The following IQSEC3 variants were observed in gnomAD, a reference collection of about 807,000 sequenced individuals.
IQSEC3 encodes the protein IQ motif and Sec7 domain ArfGEF 3, also known as IQ motif and SEC7 domain-containing protein 3.
A neutral mutation model predicts 105.4 loss-of-function variants in IQSEC3; 50 were observed. The observed-to-expected ratio is 0.47, with a 90% CI of 0.38 to 0.60. The LOEUF (loss-of-function observed/expected upper bound fraction) is 0.60, where lower values mean the gene tolerates loss of function less well. IQSEC3 is among the 20% of genes least tolerant of loss of function. The pLI is 0.00. For missense variants in IQSEC3, 1,415 were observed against 1,630.0 expected (o/e 0.87, Z 2.27); for synonymous variants, 708 against 746.0 (o/e 0.95, Z 0.83).
intron 3 of IQSEC3, among the ~76,000 whole-genome samples, chr12:131,820 A>T (rs1865611669): frequency 6.6e-6 from 1 of 152,126 alleles, no homozygotes; most frequent in Non-Finnish European, 1.5e-5. Flanking sequence ...TGGCAGGCCC[A>T]ACTCTGGGAT....
chr12:162,124 T>C, intron 8 of IQSEC3, 59 bp downstream of exon 8: 1 of 1,578,250 alleles, frequency 6.3e-7, no homozygotes, highest in East Asian at 2.2e-5. Flanking sequence ...TCCTGGCATC[T>C]CTTCCCATTC....
At chr12:136,035 G>C (rs368672587) in intron 3 of IQSEC3, among the ~76,000 whole-genome samples, 3 of 152,224 alleles carry the variant, frequency 2.0e-5, no homozygotes, top group African/African-American at 7.2e-5. Context: ...GAATACACTT[G>C]GTGTGGTTTA....
rs1866904304 is a variant in IQSEC3, at chr12:161,840, G to C, written c.2444-86G>C. On this transcript the variant is annotated intron_variant, in intron 7 of 13. Coordinates refer to ENST00000538872, the MANE Select transcript of IQSEC3 (RefSeq NM_001170738.2). The stretch of plus-strand genomic sequence containing the variant: ...GCCACCCCCCGGGAGCTCCAGGCTG[G>C]ATGGGGGTCTCTTCTGTCTGGCTCC... 4 of 1,399,950 alleles carry C rather than the reference G, an allele frequency of 2.9e-6. No homozygotes were observed. In the Admixed American group the frequency reaches 7.0e-5, roughly 24 times the overall value. 86.7% of individuals were successfully genotyped at this position (1,399,950 alleles called of 1,614,324 possible).
Position 67,014 on chromosome 12 carries a change from C to G in IQSEC3, c.132C>G (p.Asp44Glu). The G allele has an allele frequency of 6.5e-7, 1 of 1,531,964 alleles. No individual in the cohort carries two copies. Among genetic ancestry groups the G allele is most frequent in the Non-Finnish European group, 8.7e-7 (1 of 1,145,320 alleles). The allele number at this position is 1,531,964 out of a possible 1,614,324, so 94.9% of individuals were successfully genotyped here. ...TCGACGAGCTGGAGCGGCGGCTGGA[C>G]GAGCTGAGCGCTGAGAACCGCAGCC... ...ERIDELERRL[D>E]ELSAENRSLW... The change falls in exon 1 of 14, where the codon GAC becomes GAG. Residue 44 changes from aspartate (D) to glutamate (E), a missense_variant. Around this residue, in one of 6 missense-constraint regions of IQSEC3, gnomAD observed 34 missense variants for 80.3 expected, o/e 0.42. Coordinates refer to ENST00000538872, the MANE Select transcript of IQSEC3 (RefSeq NM_001170738.2).
chr12:98,321 C>T (rs1864303838), intron 1 of IQSEC3, among the ~76,000 whole-genome samples: 1 of 152,196 alleles, frequency 6.6e-6, no homozygotes, highest in Non-Finnish European at 1.5e-5. Flanking sequence ...CCTTTAGAAT[C>T]ACCTGGGAGT....
At position 123,132 on chromosome 12, in the gene IQSEC3, C is replaced by T. The variant is rs968533118; in HGVS notation, c.624-2501C>T. Among the ~76,000 whole-genome samples the T allele has an allele frequency of 3.9e-5, 6 of 152,272 alleles. No individual in the cohort carries two copies. In the East Asian group the frequency reaches 9.6e-4, roughly 24 times the overall value. On this transcript the variant is annotated intron_variant, in intron 2 of 13. Coordinates refer to ENST00000538872, the MANE Select transcript of IQSEC3 (RefSeq NM_001170738.2). Reference sequence around the variant, plus strand: ...ATCAAAGATGTCTAGAGGCTGGGCACGCTGGCTCATGCCTGCAATCCCAGC... The same window carrying T: ...ATCAAAGATGTCTAGAGGCTGGGCATGCTGGCTCATGCCTGCAATCCCAGC...
At chr12:78,018 G>C (rs1218723899) in intron 1 of IQSEC3, among the ~76,000 whole-genome samples, 1 of 151,444 alleles carries the variant, frequency 6.6e-6, no homozygotes, top group Non-Finnish European at 1.5e-5. Context: ...ACCCCGGCGC[G>C]GGGAAGCCGC....
chr12:104,725 C>G lies in IQSEC3; in HGVS notation c.623+5511C>G, dbSNP rs923075302. Among the ~76,000 whole-genome samples, 3 of 152,330 alleles carry G rather than the reference C, an allele frequency of 2.0e-5. No homozygotes were observed. In the South Asian group the frequency reaches 6.2e-4, roughly 32 times the overall value. The stretch of plus-strand genomic sequence containing the variant: ...CAGCAAGGCAGGGGCTCTGCCGAGG[C>G]CGCCACGCGGGGTACCCTGGAGGAC... On this transcript the variant is annotated intron_variant, in intron 2 of 13. Transcript: ENST00000538872.
intron 2 of IQSEC3, among the ~76,000 whole-genome samples, chr12:124,389 C>CAA (rs55767927): frequency 0.086 from 10,660 of 124,590 alleles, 701 homozygotes; most frequent in South Asian, 0.23. Context: ...AACTCCATCT[C>CAA]AAAAAAAAAA....
At chr12:96,336 T>C (rs1326914139) in intron 1 of IQSEC3, among the ~76,000 whole-genome samples, 4 of 152,210 alleles carry the variant, frequency 2.6e-5, no homozygotes, top group African/African-American at 9.6e-5. Context: ...AGATGAAGCC[T>C]CCAGGTACAG....
chr12:100,724 G>A (rs1555075957), intron 2 of IQSEC3, among the ~76,000 whole-genome samples: 2 of 152,174 alleles, frequency 1.3e-5, no homozygotes, highest in Non-Finnish European at 2.9e-5. Context: ...GGCCAACTTG[G>A]ACCCTTGAGA....
At chr12:173,854 G>C (rs1175986265) in intron 13 of IQSEC3, among the ~76,000 whole-genome samples, 1 of 152,152 alleles carries the variant, frequency 6.6e-6, no homozygotes, top group Non-Finnish European at 1.5e-5. Flanking sequence ...CTGAGGGAGG[G>C]GGCTCATGAG....
chr12:158,403 C>T (rs191698255), intron 7 of IQSEC3, among the ~76,000 whole-genome samples: 2 of 152,214 alleles, frequency 1.3e-5, no homozygotes, highest in East Asian at 3.9e-4. Context: ...TTTTAACTGG[C>T]ATAAAGTCCA....
intron 2 of IQSEC3, among the ~76,000 whole-genome samples, chr12:103,789 CTCAG>C (rs1864534135): frequency 1.3e-4 from 1 of 7,842 alleles, no homozygotes; most frequent in Admixed American, 2.2e-3. Context: ...GGAGGCGGGG[CTCAG>C]GCAGGAGACG....
intron 2 of IQSEC3, 23 bp downstream of exon 2, chr12:99,237 C>T (rs782472994): frequency 1.3e-6 from 2 of 1,591,778 alleles, no homozygotes; most frequent in South Asian, 2.2e-5. Flanking sequence ...GCCCTTCCTC[C>T]CTTCCGCATC....
chr12:86,615 G>A (rs1555072134), intron 1 of IQSEC3, among the ~76,000 whole-genome samples: 1 of 152,152 alleles, frequency 6.6e-6, no homozygotes, highest in Non-Finnish European at 1.5e-5. Context: ...CAGGAAAATA[G>A]CAAAGACGGA....
intron 5 of IQSEC3, among the ~76,000 whole-genome samples, chr12:156,508 C>G (rs1473026591): frequency 6.6e-6 from 1 of 152,088 alleles, no homozygotes; most frequent in East Asian, 1.9e-4. Context: ...CTGGGGGGAG[C>G]TGGGCTGCAG....
At position 139,212 on chromosome 12, in the gene IQSEC3, G is replaced by T; in HGVS notation, c.1849G>T (p.Ala617Ser). ...AKSGSEASAS[A>S]SKDALQAMIL... ...GTCAGGCTCGGAGGCGTCGGCCTCC[G>T]CCTCCAAGGACGCCCTGCAGGCCAT... The change falls in exon 4 of 14, where the codon GCC becomes TCC. Residue 617 changes from alanine (A) to serine (S), a missense_variant. Physicochemically the swap from Ala to Ser is moderately conservative, Grantham distance 99. Transcript: ENST00000538872. 1.9e-5 allele frequency: 30 copies of T among 1,597,616 alleles called. No individual in the cohort carries two copies. Among genetic ancestry groups the T allele is most frequent in the Non-Finnish European group, 2.6e-5 (30 of 1,174,362 alleles).
chr12:114,610 A>G (rs936190383), intron 2 of IQSEC3, among the ~76,000 whole-genome samples: 40 of 152,258 alleles, frequency 2.6e-4, no homozygotes, highest in African/African-American at 8.4e-4. Context: ...AGGCTCAGAG[A>G]GGAGATTTTC....
Sources: allele counts gnomAD v4.1 joint callset (sites outside exome capture counted in the v4.1 genomes callset), GRCh38; gene constraint gnomAD v4.1.1; regional missense constraint gnomAD v4.1.1; transcripts MANE v1.5; gene names NCBI Gene and HGNC (gene_info 2026-07-23, HGNC 2026-07-21).